ARHGEF26: variants seen among roughly 807,000 people sequenced by gnomAD.
The protein encoded by ARHGEF26 is Rho guanine nucleotide exchange factor (GEF) 26.
Under a neutral mutation model 89.4 loss-of-function variants are expected in ARHGEF26, and 59 were observed. The observed-to-expected ratio is 0.66, with a 90% confidence interval of 0.54 to 0.82. ARHGEF26 has a LOEUF of 0.82. Among genes scored for constraint, ARHGEF26 ranks in the 40% least tolerant of loss-of-function variants. The pLI is 0.00. For missense variants in ARHGEF26, 1,234 were observed against 1,085.6 expected (o/e 1.14, Z -1.92); for synonymous variants, 500 against 428.4 (o/e 1.17, Z -2.06).
In ARHGEF26 at chr3:154,180,030, CT is replaced by C. The variant is rs1312926606; in HGVS notation, c.1488-7651del. 3.3e-5 allele frequency among the ~76,000 whole-genome samples: 5 copies of C among 152,220 alleles called. No individual in the cohort carries two copies. In the East Asian group the frequency reaches 9.7e-4, roughly 29 times the overall value. On this transcript the variant is annotated intron_variant, in intron 6 of 14. Transcript: ENST00000465093. ...TGCCTTTTTCAGCTTCTAGAAGTCA[CT>C]TTTGTATCGTGGCTTATGAATTTTT... is the stretch of plus-strand genomic sequence containing the variant.
intron 12 of ARHGEF26, among the ~76,000 whole-genome samples, chr3:154,244,514 A>G (rs1258061317): frequency 6.6e-6 from 1 of 152,120 alleles, no homozygotes; most frequent in Non-Finnish European, 1.5e-5. Context: ...TAGGGAAGTG[A>G]TCAGACATCT....
intron 9 of ARHGEF26, among the ~76,000 whole-genome samples, chr3:154,207,558 A>T (rs921376843): frequency 6.6e-6 from 1 of 152,252 alleles, no homozygotes; most frequent in Non-Finnish European, 1.5e-5. Context: ...ATACCATCTC[A>T]CGCTAGTCAG....
intron 3 of ARHGEF26, among the ~76,000 whole-genome samples, chr3:154,124,978 CAAA>C (rs5853679): frequency 1.4e-5 from 2 of 145,968 alleles, no homozygotes; most frequent in Admixed American, 6.8e-5. Context: ...TTAAGGATCT[CAAA>C]AAAAAAAAAA....
rs534494220 is a variant in ARHGEF26, at chr3:154,234,866, C to T, written c.2091-5504C>T. On this transcript the variant is annotated intron_variant, in intron 11 of 14. Coordinates refer to ENST00000465093, the MANE Select transcript of ARHGEF26 (RefSeq NM_015595.4). Reference sequence around the variant, plus strand: ...CTGCAAGGTCCGCCTCTCAGGTTCACGCCATTCTTCTGCCTCAGCCTCCTG... The same window carrying T: ...CTGCAAGGTCCGCCTCTCAGGTTCATGCCATTCTTCTGCCTCAGCCTCCTG... Among the ~76,000 whole-genome samples, 10 of 152,160 alleles carry T rather than the reference C, an allele frequency of 6.6e-5. No homozygotes were observed. In the East Asian group the frequency reaches 1.4e-3, roughly 21 times the overall value.
chr3:154,183,977 C>CTTTTT (rs548153454), intron 6 of ARHGEF26, among the ~76,000 whole-genome samples: 2 of 140,318 alleles, frequency 1.4e-5, no homozygotes, highest in Non-Finnish European at 3.1e-5. Context: ...AATTTTCTTT[C>CTTTTT]TTTTTTTTTT....
At chr3:154,215,159 C>T (rs1209068966) in intron 9 of ARHGEF26, among the ~76,000 whole-genome samples, 4 of 152,184 alleles carry the variant, frequency 2.6e-5, no homozygotes, top group Non-Finnish European at 5.9e-5. Context: ...CTTTTGGCTT[C>T]ATCCCATGCC....
rs114240688 is a variant in ARHGEF26, at chr3:154,256,261, C to T, written c.*788C>T. The T allele has an allele frequency of 1.3e-4, 126 of 985,022 alleles. No homozygotes were observed. In the African/African-American group the frequency reaches 2.0e-3, roughly 16 times the overall value. 61.0% of individuals were successfully genotyped at this position (985,022 alleles called of 1,614,324 possible). A position where few individuals can be genotyped will look rare whatever the true frequency, so the allele number is the denominator to read the frequency against. On this transcript the variant is annotated 3_prime_UTR_variant, in exon 15 of 15. Coordinates refer to ENST00000465093, the MANE Select transcript of ARHGEF26 (RefSeq NM_015595.4). Reference sequence around the variant, plus strand: ...GTCCTACTTTTTTCCCCACCTCTGTCGCCCAGGCTAGAGTATAGTGGTGTG... The same window carrying T: ...GTCCTACTTTTTTCCCCACCTCTGTTGCCCAGGCTAGAGTATAGTGGTGTG...
At chr3:154,254,949 A>G (rs1217756593) in intron 14 of ARHGEF26, 125 bp downstream of exon 14, 1 of 795,738 alleles carries the variant, frequency 1.3e-6, no homozygotes, top group African/African-American at 1.7e-5. Context: ...TTGAGATCAC[A>G]TATATGTACT....
chr3:154,248,696 T>A (rs1387639490), intron 12 of ARHGEF26, among the ~76,000 whole-genome samples: 1 of 152,200 alleles, frequency 6.6e-6, no homozygotes, highest in African/African-American at 2.4e-5. Flanking sequence ...TTTTTAGGTC[T>A]GAGCTAATGT....
At chr3:154,210,176 A>G (rs1025358759) in intron 9 of ARHGEF26, among the ~76,000 whole-genome samples, 4 of 152,064 alleles carry the variant, frequency 2.6e-5, no homozygotes, top group African/African-American at 9.7e-5. Context: ...GCAGGTCCAG[A>G]AATGCCATCC....
chr3:154,143,657 G>A (rs981829586), intron 4 of ARHGEF26, among the ~76,000 whole-genome samples: 27 of 152,286 alleles, frequency 1.8e-4, no homozygotes, highest in African/African-American at 6.0e-4. Context: ...ACTGAAAGCT[G>A]CTTAACTTTA....
intron 4 of ARHGEF26, among the ~76,000 whole-genome samples, chr3:154,130,147 A>ATTTTTTTTTTTTTTTTTTTTTTTTTTT (rs55816788): frequency 9.4e-6 from 1 of 105,970 alleles, no homozygotes; most frequent in Non-Finnish European, 1.7e-5. Flanking sequence ...TTCCTTGGAA[A>ATTTTTTTTTTTTTTTTTTTTTTTTTTT]TTTTTTTTTT....
chr3:154,161,900 A>G (rs1435099726), intron 6 of ARHGEF26, among the ~76,000 whole-genome samples: 1 of 152,136 alleles, frequency 6.6e-6, no homozygotes, highest in Non-Finnish European at 1.5e-5. Flanking sequence ...GCTGCCAATT[A>G]GACCATTCTC....
At chr3:154,150,646 G>A (rs1381203523) in intron 5 of ARHGEF26, among the ~76,000 whole-genome samples, 1 of 152,028 alleles carries the variant, frequency 6.6e-6, no homozygotes, top group African/African-American at 2.4e-5. Context: ...TCCAATGCTG[G>A]ACAGTAGGTG....
intron 11 of ARHGEF26, among the ~76,000 whole-genome samples, chr3:154,229,000 C>T (rs982557767): frequency 1.3e-5 from 2 of 152,134 alleles, no homozygotes; most frequent in African/African-American, 4.8e-5. Context: ...AGGACAGTTA[C>T]TCTTCCTCCT....
chr3:154,176,158 G>A (rs892874173), intron 6 of ARHGEF26, among the ~76,000 whole-genome samples: 1 of 152,166 alleles, frequency 6.6e-6, no homozygotes, highest in Non-Finnish European at 1.5e-5. Flanking sequence ...ATCACCCTGT[G>A]AAAGGATCAC....
At chr3:154,247,390 C>CT (rs1006034222) in intron 12 of ARHGEF26, among the ~76,000 whole-genome samples, 10 of 152,174 alleles carry the variant, frequency 6.6e-5, no homozygotes, top group Admixed American at 3.3e-4. Context: ...GTGTAAAAGT[C>CT]TATTTCATCT....
chr3:154,213,616 C>T (rs2108237278), intron 9 of ARHGEF26, among the ~76,000 whole-genome samples: 1 of 152,144 alleles, frequency 6.6e-6, no homozygotes, highest in Non-Finnish European at 1.5e-5. Context: ...CTTAATAATG[C>T]CATTTTTTCT....
intron 6 of ARHGEF26, among the ~76,000 whole-genome samples, chr3:154,157,695 C>G (rs956746270): frequency 3.9e-5 from 6 of 151,934 alleles, no homozygotes; most frequent in African/African-American, 1.5e-4. Flanking sequence ...CGGGGTCCTC[C>G]TAGGTTTGCC....
Sources: gnomAD v4.1 joint callset for allele counts (sites outside exome capture counted in the v4.1 genomes callset) on GRCh38, gnomAD v4.1.1 for gene constraint, MANE v1.5 for transcripts, NCBI Gene and HGNC (gene_info 2026-07-23, HGNC 2026-07-21) for gene names.